Variants in ANKS1A observed in about 807,000 individuals in gnomAD.
ANKS1A encodes the protein ankyrin repeat and SAM domain-containing protein 1A.
Under a neutral mutation model 120.3 loss-of-function variants are expected in ANKS1A, and 55 were observed. That is an observed-to-expected ratio of 0.46 (90% confidence interval 0.37 to 0.57). The LOEUF is 0.57. Ranked by LOEUF, ANKS1A falls within the 20% of genes least tolerant of loss-of-function variation. The pLI is 0.00. For synonymous variants in ANKS1A, 590 were observed against 604.7 expected (o/e 0.98, Z 0.36); for missense variants, 1,123 against 1,480.3 (o/e 0.76, Z 3.96).
intron 10 of ANKS1A, 115 bp from the exon 11 acceptor site, chr6:35,017,356 TTC>T (rs373723898): frequency 9.3e-7 from 1 of 1,075,402 alleles, no homozygotes; most frequent in Non-Finnish European, 1.3e-6. Flanking sequence ...CCTATCCAGT[TTC>T]TCTCTCTGTT....
chr6:34,916,994 G>C (rs1448231959), intron 1 of ANKS1A, among the ~76,000 whole-genome samples: 1 of 152,172 alleles, frequency 6.6e-6, no homozygotes, highest in Admixed American at 6.5e-5. Context: ...TGGTATAATA[G>C]AGTAGAATGG....
rs1561899407 is a variant in ANKS1A at position 34,994,363 on chromosome 6, A to T, written c.1364A>T (p.Tyr455Phe). The T allele has an allele frequency of 6.2e-7, 1 of 1,613,758 alleles. No individual in the cohort carries two copies. The highest frequency in any genetic ancestry group is 1.7e-4 in the Middle Eastern group (1 of 6,058). ...SAAREEDEHP[Y>F]ELLLTAETKK... is the part of the protein sequence containing the mutation. ...GCCCGGGAAGAAGACGAACACCCTT[A>T]TGAACTGTTGTTAACAGCAGAGACA... Residue 455 changes from tyrosine (Y) to phenylalanine (F), a missense_variant, in exon 10 of 24, where the codon TAT becomes TTT. Coordinates refer to ENST00000360359, the MANE Select transcript of ANKS1A (RefSeq NM_015245.3).
At chr6:34,940,358 G>A (rs1227893033) in intron 1 of ANKS1A, among the ~76,000 whole-genome samples, 1 of 152,152 alleles carries the variant, frequency 6.6e-6, no homozygotes, top group African/African-American at 2.4e-5. Context: ...CTTAACCAAT[G>A]TGCAGAGTGT....
At chr6:34,943,109 A>G (rs967805963) in intron 1 of ANKS1A, among the ~76,000 whole-genome samples, 7 of 152,086 alleles carry the variant, frequency 4.6e-5, no homozygotes, top group African/African-American at 1.7e-4. Flanking sequence ...CTAGGAATAC[A>G]GGTGTGCATC....
chr6:34,950,595 A>G (rs753703572), intron 1 of ANKS1A, among the ~76,000 whole-genome samples: 21 of 152,160 alleles, frequency 1.4e-4, no homozygotes, highest in Non-Finnish European at 2.5e-4. Context: ...CAAATATGAC[A>G]AGGGCAAGTG....
chr6:34,956,274 T>C (rs1770355252), intron 1 of ANKS1A, among the ~76,000 whole-genome samples: 1 of 151,926 alleles, frequency 6.6e-6, no homozygotes, highest in Admixed American at 6.6e-5. Context: ...ATCCTGTTCT[T>C]CTGTGATAAT....
At chr6:34,991,992 TTTA>T (rs1772602506) in intron 9 of ANKS1A, among the ~76,000 whole-genome samples, 1 of 152,086 alleles carries the variant, frequency 6.6e-6, no homozygotes. Flanking sequence ...AGTTTATTGC[TTTA>T]TTGTGAGGAT....
In ANKS1A at chr6:34,889,459, G is replaced by A; in HGVS notation, c.57G>A (p.Val19=). 7.8e-7 allele frequency: 1 copy of A among 1,289,830 alleles called. No individual in the cohort carries two copies. Among genetic ancestry groups the A allele is most frequent in the South Asian group, 2.9e-5 (1 of 33,964 alleles). The allele number at this position is 1,289,830 out of a possible 1,614,324, so 79.9% of individuals were successfully genotyped here. A position where few individuals can be genotyped will look rare whatever the true frequency, so the allele number is the denominator to read the frequency against. ...CCCGCACCGGGCACCTCCCGGCGGT[G>A]GAGAAGCTGCTGTCCGGGAAGCGGC... The part of the protein sequence containing the change: ...EAARTGHLPA[V]EKLLSGKRLS... The change falls in exon 1 of 24, where the codon GTG becomes GTA. Residue 19 remains valine, a synonymous_variant. Coordinates refer to ENST00000360359, the MANE Select transcript of ANKS1A (RefSeq NM_015245.3). The surrounding 1 kb of genome is among the most constrained non-coding windows in gnomAD (Gnocchi z 5.5).
the ANKS1A span, among the ~76,000 whole-genome samples, chr6:35,097,651 A>AC: frequency 3.3e-4 from 49 of 149,766 alleles, no homozygotes; most frequent in East Asian, 5.8e-4. Flanking sequence ...AAAAAAAAAA[A>AC]AAAAAAACAC....
chr6:35,039,193 T>G (rs1264151910), intron 11 of ANKS1A, among the ~76,000 whole-genome samples: 2 of 12,114 alleles, frequency 1.7e-4, no homozygotes, highest in Admixed American at 1.9e-3. Context: ...TCCCTCATAC[T>G]TTTTTTTTTT....
At chr6:35,006,428 C>T (rs1005065019) in intron 10 of ANKS1A, among the ~76,000 whole-genome samples, 5 of 151,924 alleles carry the variant, frequency 3.3e-5, no homozygotes, top group African/African-American at 7.3e-5. Flanking sequence ...CCCCACTCTC[C>T]GTGATGTAAT....
chr6:34,991,644 A>G (rs1772535043), intron 9 of ANKS1A, among the ~76,000 whole-genome samples: 1 of 140,590 alleles, frequency 7.1e-6, no homozygotes, highest in South Asian at 2.3e-4. Flanking sequence ...ACATATATAC[A>G]CACACATATA....
intron 11 of ANKS1A, among the ~76,000 whole-genome samples, chr6:35,049,546 C>T (rs1775873833): frequency 1.3e-5 from 2 of 152,200 alleles, no homozygotes; most frequent in African/African-American, 4.8e-5. Flanking sequence ...GAAGGTGTCT[C>T]CCGCCCCGTG....
At chr6:34,974,604 A>G (rs902457149) in intron 3 of ANKS1A, among the ~76,000 whole-genome samples, 23 of 152,080 alleles carry the variant, frequency 1.5e-4, no homozygotes, top group African/African-American at 4.1e-4. Context: ...CTCATAAGTC[A>G]TAGGCTTTCA....
chr6:35,046,285 C>T (rs1343123687), intron 11 of ANKS1A, among the ~76,000 whole-genome samples: 1 of 152,166 alleles, frequency 6.6e-6, no homozygotes, highest in Non-Finnish European at 1.5e-5. Context: ...GCTGAGAGCC[C>T]TTCACCCAGA....
intron 18 of ANKS1A, 128 bp from the exon 19 acceptor site, chr6:35,083,027 G>C (rs1777773923): frequency 7.7e-7 from 1 of 1,290,892 alleles, no homozygotes; most frequent in Non-Finnish European, 1.1e-6. Context: ...TCTCCAGCTG[G>C]GGCAGGAGAG....
At chr6:34,923,063 C>T (rs1417319698) in intron 1 of ANKS1A, among the ~76,000 whole-genome samples, 1 of 152,168 alleles carries the variant, frequency 6.6e-6, no homozygotes, top group Non-Finnish European at 1.5e-5. Flanking sequence ...CCAGTAGGAG[C>T]TGAAGAAGAC....
At position 35,090,563 on chromosome 6, in the gene ANKS1A, C is replaced by T. The variant is rs1430239869; in HGVS notation, c.*1954C>T. 2.0e-6 allele frequency: 2 copies of T among 1,020,996 alleles called. No individual in the cohort carries two copies. Among genetic ancestry groups the T allele is most frequent in the Non-Finnish European group, 2.3e-6 (2 of 851,796 alleles). 63.2% of individuals were successfully genotyped at this position (1,020,996 alleles called of 1,614,324 possible). On this transcript the variant is annotated 3_prime_UTR_variant, in exon 24 of 24. Coordinates refer to ENST00000360359, the MANE Select transcript of ANKS1A (RefSeq NM_015245.3). The stretch of plus-strand genomic sequence containing the variant: ...TATTGGAAGCCTTGGCTAGTCTGCT[C>T]TAGCTCTGGGTTCTGTTTAGAGATT...
At chr6:35,000,154 C>T (rs1773084220) in intron 10 of ANKS1A, among the ~76,000 whole-genome samples, 1 of 151,754 alleles carries the variant, frequency 6.6e-6, no homozygotes, top group Non-Finnish European at 1.5e-5. Context: ...GGGCGTATCC[C>T]GAAAGCACTG....
Sources: allele counts gnomAD v4.1 joint callset (sites outside exome capture counted in the v4.1 genomes callset), GRCh38; gene constraint gnomAD v4.1.1; non-coding constraint Gnocchi (gnomAD v3.1); transcripts MANE v1.5; gene names NCBI Gene and HGNC (gene_info 2026-07-23, HGNC 2026-07-21).